Variants in LMBRD1 observed in about 807,000 individuals in gnomAD.
LMBRD1 encodes the protein LMBR1 domain containing 1, also known as lysosomal cobalamin transport escort protein LMBD1.
A neutral mutation model predicts 74.8 loss-of-function variants in LMBRD1; 64 were observed. The observed-to-expected ratio is 0.86, with a 90% CI of 0.70 to 1.05. The LOEUF is 1.05. Among genes scored for constraint, LMBRD1 ranks in the 50% least tolerant of loss-of-function variants. The probability of loss-of-function intolerance (pLI) is 0.00; values close to 1 mark genes in which losing one functional copy is unlikely to be tolerated. For synonymous variants in LMBRD1, 204 were observed against 216.3 expected, an observed-to-expected ratio of 0.94 and a Z score of 0.50; for missense variants, 652 against 645.9, an observed-to-expected ratio of 1.01 and a Z score of -0.10.
At chr6:69,679,217 TCA>T (rs1562080148) in intron 14 of LMBRD1, among the ~76,000 whole-genome samples, 1 of 152,224 alleles carries the variant, frequency 6.6e-6, no homozygotes, top group East Asian at 1.9e-4. Flanking sequence ...GAATGAATAT[TCA>T]CAGTTTTCTA....
chr6:69,746,689 C>CT (rs2149874397), intron 5 of LMBRD1: 1 of 152,572 alleles, frequency 6.6e-6, no homozygotes, highest in Non-Finnish European at 1.5e-5. Flanking sequence ...AACAGGTTGT[C>CT]TCCTCCAACT....
intron 1 of LMBRD1, 160 bp from the exon 2 acceptor site, chr6:69,790,632 A>T (rs747013864): frequency 2.9e-6 from 2 of 682,174 alleles, no homozygotes; most frequent in African/African-American, 3.6e-5. Context: ...TCCAAGATGT[A>T]TAATTTTCAA....
chr6:69,786,625 A>G (rs186637314), intron 2 of LMBRD1, among the ~76,000 whole-genome samples: 53 of 152,268 alleles, frequency 3.5e-4, no homozygotes, highest in African/African-American at 1.3e-3. Flanking sequence ...AAAGTTAATT[A>G]CTTTAGAAAA....
At chr6:69,776,917 C>T (rs1272501329) in intron 3 of LMBRD1, among the ~76,000 whole-genome samples, 6 of 151,778 alleles carry the variant, frequency 4.0e-5, no homozygotes, top group African/African-American at 1.5e-4. Flanking sequence ...CACTTTGAGA[C>T]GGGCAGATCG....
rs991717037 is a variant in LMBRD1, at chr6:69,788,790, T to A, written c.246+1506A>T. Among the ~76,000 whole-genome samples, 3 of 152,238 alleles carry A rather than the reference T, an allele frequency of 2.0e-5. No individual in the cohort carries two copies. The East Asian group carries it at 5.8e-4, about 29-fold the overall frequency. ...CTAGTAGGTATCCTATTTACTAGGC[T>A]ACCTGAAAATATCTCTTACTTGTTT... On this transcript the variant is annotated intron_variant, in intron 2 of 15. Coordinates refer to ENST00000649934, the MANE Select transcript of LMBRD1 (RefSeq NM_018368.4).
intron 3 of LMBRD1, among the ~76,000 whole-genome samples, chr6:69,753,353 T>A (rs1160026534): frequency 6.6e-6 from 1 of 152,162 alleles, no homozygotes; most frequent in African/African-American, 2.4e-5. Context: ...AGAATGATAA[T>A]CATTGTATTG....
intron 6 of LMBRD1, among the ~76,000 whole-genome samples, chr6:69,739,893 G>A (rs1767061941): frequency 6.6e-6 from 1 of 152,170 alleles, no homozygotes; most frequent in Non-Finnish European, 1.5e-5. Flanking sequence ...GGATCACAAG[G>A]TCAGGAGTTC....
rs1441461107 is a variant in LMBRD1 at position 69,678,929 on chromosome 6, A to G, written c.1418-2388T>C. Among the ~76,000 whole-genome samples the G allele has an allele frequency of 2.6e-5, 4 of 152,044 alleles. No homozygotes were observed. The South Asian group carries it at 6.2e-4, about 24-fold the overall frequency. ...ACATAAAGCTTCAGATATGTGATGT[A>G]AAGATTTAGATAATCTAAATTTTAT... On this transcript the variant is annotated intron_variant, in intron 14 of 15. Coordinates refer to ENST00000649934, the MANE Select transcript of LMBRD1 (RefSeq NM_018368.4).
Position 69,676,445 on chromosome 6 carries a change from C to T in LMBRD1, c.1509+5G>A, listed in dbSNP as rs1023522010. On this transcript the variant is annotated splice_donor_5th_base_variant and intron_variant, in intron 15 of 15. Transcript: ENST00000649934. Reference sequence around the variant, plus strand: ...TCAAATCACGCGTGGGATATCTGCACTTACCCCAAGAAAGGCCCAGTTACC... The same window carrying T: ...TCAAATCACGCGTGGGATATCTGCATTTACCCCAAGAAAGGCCCAGTTACC... The T allele has an allele frequency of 6.2e-7, 1 of 1,610,738 alleles. No individual in the cohort carries two copies. Among genetic ancestry groups the T allele is most frequent in the South Asian group, 1.1e-5 (1 of 91,024 alleles).
intron 7 of LMBRD1, among the ~76,000 whole-genome samples, chr6:69,735,944 T>C (rs1233529044): frequency 2.6e-5 from 4 of 152,220 alleles, no homozygotes; most frequent in African/African-American, 9.6e-5. Flanking sequence ...TATCTGAATA[T>C]AGCATGTATG....
intron 5 of LMBRD1, among the ~76,000 whole-genome samples, chr6:69,747,200 G>A (rs1767255569): frequency 6.6e-6 from 1 of 152,156 alleles, no homozygotes; most frequent in Non-Finnish European, 1.5e-5. Flanking sequence ...TGGCATTGGT[G>A]AGGAAGAGAC....
At chr6:69,768,778 C>T (rs958173922) in intron 3 of LMBRD1, among the ~76,000 whole-genome samples, 1 of 151,948 alleles carries the variant, frequency 6.6e-6, no homozygotes, top group Admixed American at 6.5e-5. Context: ...AATGAATTTT[C>T]TCAGGTTTTA....
At chr6:69,764,401 A>G (rs1201916952) in intron 3 of LMBRD1, among the ~76,000 whole-genome samples, 2 of 152,128 alleles carry the variant, frequency 1.3e-5, no homozygotes, top group Non-Finnish European at 2.9e-5. Flanking sequence ...ATCTATAAGC[A>G]TGGAAGAAGG....
At position 69,674,756 on chromosome 6, in the gene LMBRD1, T is replaced by G. The variant is rs1387243150; in HGVS notation, c.*1402A>C. 6.6e-6 allele frequency among the ~76,000 whole-genome samples: 1 copy of G among 152,040 alleles called. No individual in the cohort carries two copies. Among genetic ancestry groups the G allele is most frequent in the Non-Finnish European group, 1.5e-5 (1 of 67,984 alleles). ...TTGGGAGGCCACTGTGGGTGGATCA[T>G]GAGGTCAGGAGTTCAAGACCAGCCT... On this transcript the variant is annotated 3_prime_UTR_variant, in exon 16 of 16. Transcript: ENST00000649934.
At chr6:69,721,454 C>G (rs1399454632) in intron 7 of LMBRD1, among the ~76,000 whole-genome samples, 1 of 152,178 alleles carries the variant, frequency 6.6e-6, no homozygotes, top group Admixed American at 6.5e-5. Flanking sequence ...GCCTAGCTCA[C>G]AGATGACATT....
At chr6:69,738,358 A>G (rs1767020025) in intron 6 of LMBRD1, among the ~76,000 whole-genome samples, 2 of 152,152 alleles carry the variant, frequency 1.3e-5, no homozygotes, top group Admixed American at 6.5e-5. Flanking sequence ...GCCTTTCTCA[A>G]TGGCAGACCC....
intron 7 of LMBRD1, among the ~76,000 whole-genome samples, chr6:69,726,690 C>T (rs577939400): frequency 6.7e-6 from 1 of 150,264 alleles, no homozygotes; most frequent in South Asian, 2.1e-4. Flanking sequence ...CAATTGAACT[C>T]GTGGAAACAG....
intron 1 of LMBRD1, among the ~76,000 whole-genome samples, chr6:69,793,310 A>G (rs1766130902): frequency 6.6e-6 from 1 of 152,234 alleles, no homozygotes; most frequent in African/African-American, 2.4e-5. Context: ...CTGGGGCAGA[A>G]GAAGGAATGA....
At chr6:69,796,580 C>T (rs995653412) in intron 1 of LMBRD1, among the ~76,000 whole-genome samples, 8 of 152,138 alleles carry the variant, frequency 5.3e-5, no homozygotes, top group Non-Finnish European at 1.2e-4. Context: ...CAAAAAGGAC[C>T]CTGCAACCCT....
Sources: allele counts gnomAD v4.1 joint callset (sites outside exome capture counted in the v4.1 genomes callset), GRCh38; gene constraint gnomAD v4.1.1; transcripts MANE v1.5; gene names NCBI Gene and HGNC (gene_info 2026-07-23, HGNC 2026-07-21).